The following ALG8 variants were observed in gnomAD, a reference collection of about 807,000 sequenced individuals.
ALG8 encodes the protein dolichyl pyrophosphate Glc1Man9GlcNAc2 alpha-1,3-glucosyltransferase.
A neutral mutation model predicts 70.2 loss-of-function variants in ALG8; 48 were observed. That is an observed-to-expected ratio of 0.68 (90% confidence interval 0.54 to 0.87). The LOEUF is 0.87. Among genes scored for constraint, ALG8 ranks in the 40% least tolerant of loss-of-function variants. The pLI, the probability that ALG8 is intolerant of heterozygous loss-of-function variation, is 0.00. For missense variants in ALG8, 572 were observed against 608.7 expected, an observed-to-expected ratio of 0.94 and a Z score of 0.64; for synonymous variants, 234 against 229.0, an observed-to-expected ratio of 1.02 and a Z score of -0.20.
intron 1 of ALG8, chr11:78,137,754 T>C (rs1861609599): frequency 6.6e-6 from 1 of 152,194 alleles, no homozygotes. Flanking sequence ...AGAATAGTAG[T>C]ATCAAAGATC....
At chr11:78,123,946 G>A (rs1860942946) in intron 3 of ALG8, 75 bp downstream of exon 3, 1 of 1,497,738 alleles carries the variant, frequency 6.7e-7, no homozygotes, top group South Asian at 1.1e-5. Flanking sequence ...CCTAAATTGG[G>A]AGTAAGTTAA....
intron 1 of ALG8, among the ~76,000 whole-genome samples, chr11:78,128,229 C>T (rs573838173): frequency 1.4e-3 from 214 of 152,314 alleles, no homozygotes; most frequent in African/African-American, 5.1e-3. Context: ...CTAAGGATCA[C>T]CTATCTTTAG....
rs565130100 is a variant in ALG8, at chr11:78,136,380, GA to G, written c.95+3113del. Among the ~76,000 whole-genome samples, 153 of 151,508 alleles carry G rather than the reference GA, an allele frequency of 1.0e-3. 1 individual carries two copies. The highest frequency in any genetic ancestry group is 7.7e-3 in the South Asian group (37 of 4,792). ...ACAGACAGATAATAGAGAGAGAAAG[GA>G]AAAAAAATTAGCTGGGCATGGTGGC... On this transcript the variant is annotated intron_variant, in intron 1 of 12. Coordinates refer to ENST00000299626, the MANE Select transcript of ALG8 (RefSeq NM_024079.5).
chr11:78,137,686 G>A (rs1207796737), intron 1 of ALG8: 2 of 152,246 alleles, frequency 1.3e-5, no homozygotes, highest in African/African-American at 4.8e-5. Context: ...CTGGTTGATA[G>A]AGCAGTCAGA....
chr11:78,123,511 C>T (rs906611981), intron 3 of ALG8, among the ~76,000 whole-genome samples: 1 of 151,978 alleles, frequency 6.6e-6, no homozygotes, highest in Non-Finnish European at 1.5e-5. Context: ...AACAAAGAGT[C>T]TTCATGAAGG....
chr11:78,106,998 C>T, intron 9 of ALG8, 52 bp from the exon 10 acceptor site: 3 of 1,605,014 alleles, frequency 1.9e-6, no homozygotes, highest in Non-Finnish European at 2.6e-6. Flanking sequence ...ACAGACTTTA[C>T]AGAAACAGAG....
intron 9 of ALG8, among the ~76,000 whole-genome samples, chr11:78,108,973 T>C (rs1860164419): frequency 6.6e-6 from 1 of 152,234 alleles, no homozygotes; most frequent in South Asian, 2.1e-4. Context: ...ATCTTACTCA[T>C]ATTAGGCTCA....
chr11:78,119,893 G>A (rs1860745170), intron 4 of ALG8, among the ~76,000 whole-genome samples: 1 of 152,048 alleles, frequency 6.6e-6, no homozygotes, highest in African/African-American at 2.4e-5. Context: ...CTTGGGACCA[G>A]GCGTTCAAGA....
At chr11:78,114,191 T>C in intron 6 of ALG8, 75 bp downstream of exon 6, 1 of 1,594,436 alleles carries the variant, frequency 6.3e-7, no homozygotes. Flanking sequence ...TAAAACCTTC[T>C]TATCAAGCAA....
At chr11:78,114,578 G>A in intron 5 of ALG8, 186 bp from the exon 6 acceptor site, 1 of 695,730 alleles carries the variant, frequency 1.4e-6, no homozygotes, top group Non-Finnish European at 2.5e-6. Flanking sequence ...GGTGGTAATG[G>A]GGGAAAATGG....
At chr11:78,130,903 A>T (rs1163159501) in intron 1 of ALG8, among the ~76,000 whole-genome samples, 1 of 152,024 alleles carries the variant, frequency 6.6e-6, no homozygotes, top group Non-Finnish European at 1.5e-5. Context: ...TGAAAGATTT[A>T]CTCAATTTGT....
chr11:78,127,321 G>T, intron 2 of ALG8, 37 bp downstream of exon 2: 2 of 1,471,090 alleles, frequency 1.4e-6, no homozygotes, highest in South Asian at 1.2e-5. Context: ...GTTTATAGAT[G>T]AATCTTAAAA....
chr11:78,129,681 G>A (rs1160824113), intron 1 of ALG8, among the ~76,000 whole-genome samples: 1 of 152,136 alleles, frequency 6.6e-6, no homozygotes, highest in East Asian at 1.9e-4. Flanking sequence ...ATACAGTGAT[G>A]TTCTAGAGGC....
Position 78,119,198 on chromosome 11 carries a change from A to T in ALG8, c.530T>A (p.Ile177Asn), listed in dbSNP as rs773804345. The change falls in exon 5 of 13, where the codon ATT (isoleucine) becomes AAT (asparagine). Residue 177 changes from isoleucine to asparagine, a missense_variant. Physicochemically the swap from Ile to Asn is moderately radical, Grantham distance 149. Transcript: ENST00000299626. ...GFLFGLMLLS[I>N]ARLFQKRHME... ...TATGTTTACCTGAAATAATCGTGCAATGGAGAGTAGCATTAATCCAAATAA... is the reference window on the plus strand; with the variant it reads ...TATGTTTACCTGAAATAATCGTGCATTGGAGAGTAGCATTAATCCAAATAA... 6 of 1,610,412 alleles carry T rather than the reference A, an allele frequency of 3.7e-6. No homozygotes were observed. The highest frequency in any genetic ancestry group is 5.1e-6 in the Non-Finnish European group (6 of 1,176,902).
chr11:78,109,219 C>T (rs1352180754), intron 9 of ALG8, among the ~76,000 whole-genome samples: 4 of 150,496 alleles, frequency 2.7e-5, no homozygotes, highest in Non-Finnish European at 4.4e-5. Flanking sequence ...GATGGTCTAA[C>T]AGCCACTGGC....
intron 5 of ALG8, among the ~76,000 whole-genome samples, chr11:78,115,506 C>T (rs1860519949): frequency 6.6e-6 from 1 of 152,044 alleles, no homozygotes; most frequent in Non-Finnish European, 1.5e-5. Context: ...CCTCAGCCTC[C>T]CAAGTAGCTG....
intron 2 of ALG8, among the ~76,000 whole-genome samples, chr11:78,126,676 G>A (rs1425196790): frequency 6.6e-6 from 1 of 151,964 alleles, no homozygotes; most frequent in Non-Finnish European, 1.5e-5. Flanking sequence ...AAAACATTAG[G>A]AACAGACAGG....
chr11:78,126,031 C>A (rs568332152), intron 2 of ALG8, among the ~76,000 whole-genome samples: 3 of 150,492 alleles, frequency 2.0e-5, no homozygotes, highest in South Asian at 2.1e-4. Flanking sequence ...TGGTGGCGGG[C>A]GCCTGTAGTC....
At chr11:78,128,766 A>C (rs1861185962) in intron 1 of ALG8, among the ~76,000 whole-genome samples, 1 of 151,602 alleles carries the variant, frequency 6.6e-6, no homozygotes. Context: ...GCGCGGCACC[A>C]CGCCTGGCTA....
Sources: allele counts gnomAD v4.1 joint callset (sites outside exome capture counted in the v4.1 genomes callset), GRCh38; gene constraint gnomAD v4.1.1; transcripts MANE v1.5; gene names NCBI Gene and HGNC (gene_info 2026-07-23, HGNC 2026-07-21).